The following ACOT13 variants were observed in gnomAD, a reference collection of about 807,000 sequenced individuals.
ACOT13 encodes the protein acyl-CoA thioesterase 13.
Under a neutral mutation model 11.8 loss-of-function variants are expected in ACOT13, and 10 were observed. The ratio of observed to expected loss-of-function variants is 0.85; its 90% CI spans 0.53 to 1.44. The LOEUF is 1.44. Ranked by LOEUF, ACOT13 falls within the 40% of genes most tolerant of loss-of-function variation. The probability of loss-of-function intolerance (pLI) is 0.00; values close to 1 mark genes in which losing one functional copy is unlikely to be tolerated. For missense variants in ACOT13, 172 were observed against 174.1 expected (o/e 0.99, Z 0.07); for synonymous variants, 53 against 61.0 (o/e 0.87, Z 0.61).
intron 1 of ACOT13, among the ~76,000 whole-genome samples, chr6:24,667,820 C>G (rs1778286035): frequency 6.6e-6 from 1 of 152,214 alleles, no homozygotes; most frequent in African/African-American, 2.4e-5. Context: ...TCAAAGGCAC[C>G]CAACTCCTGA....
At chr6:24,685,186 G>A (rs1407935406) in intron 1 of ACOT13, among the ~76,000 whole-genome samples, 1 of 152,062 alleles carries the variant, frequency 6.6e-6, no homozygotes, top group Non-Finnish European at 1.5e-5. Flanking sequence ...ACCATTGTAG[G>A]TACTTTGTAT....
chr6:24,671,064 A>G (rs987039295), intron 1 of ACOT13, among the ~76,000 whole-genome samples: 5 of 152,148 alleles, frequency 3.3e-5, no homozygotes, highest in Admixed American at 2.0e-4. Flanking sequence ...TGATTCCTCA[A>G]GGATCTAGAA....
At chr6:24,669,965 AAG>A (rs1778332272) in intron 1 of ACOT13, among the ~76,000 whole-genome samples, 1 of 152,226 alleles carries the variant, frequency 6.6e-6, no homozygotes, top group Non-Finnish European at 1.5e-5. Flanking sequence ...AGGAAAAGAA[AAG>A]AAAAAAATTA....
chr6:24,692,448 ACT>A (rs746872408), intron 1 of ACOT13, among the ~76,000 whole-genome samples: 1 of 152,142 alleles, frequency 6.6e-6, no homozygotes, highest in Non-Finnish European at 1.5e-5. Context: ...ACAGGGTCTC[ACT>A]CTGTCAGCCA....
At chr6:24,669,016 G>C (rs993045104) in intron 1 of ACOT13, among the ~76,000 whole-genome samples, 8 of 152,318 alleles carry the variant, frequency 5.3e-5, no homozygotes, top group South Asian at 2.1e-4. Context: ...TAGGTTCCCT[G>C]CCTCCAGATC....
Position 24,676,845 on chromosome 6 carries a change from A to G in ACOT13, c.81+9501A>G, listed in dbSNP as rs566021329. Among the ~76,000 whole-genome samples the G allele has an allele frequency of 1.5e-3, 226 of 152,320 alleles. 2 individuals are homozygous for G. Among genetic ancestry groups the G allele is most frequent in the South Asian group, 8.1e-3 (39 of 4,824 alleles). On this transcript the variant is annotated intron_variant, in intron 1 of 2. Transcript: ENST00000230048. Reference sequence around the variant, plus strand: ...CTCTTTAGGTTTCTGTACAGCCAATAGTAATCTCCTAATGGCTTCCTGATG... The same window carrying G: ...CTCTTTAGGTTTCTGTACAGCCAATGGTAATCTCCTAATGGCTTCCTGATG...
Position 24,667,248 on chromosome 6 carries a change from T to C in ACOT13, c.-16T>C. On this transcript the variant is annotated 5_prime_UTR_variant, in exon 1 of 3. Transcript: ENST00000230048. ...TCGTTCTTGCGCAAAGCCCAAAGGCTGGAAAACCGTCCACGATGACCAGCA... is the reference window on the plus strand; with the variant it reads ...TCGTTCTTGCGCAAAGCCCAAAGGCCGGAAAACCGTCCACGATGACCAGCA... The C allele has an allele frequency of 1.2e-6, 2 of 1,613,676 alleles. No individual in the cohort carries two copies. Among genetic ancestry groups the C allele is most frequent in the Non-Finnish European group, 1.7e-6 (2 of 1,179,810 alleles).
chr6:24,694,899 T>C (rs1361188707), intron 1 of ACOT13, among the ~76,000 whole-genome samples: 3 of 152,216 alleles, frequency 2.0e-5, no homozygotes, highest in Non-Finnish European at 2.9e-5. Flanking sequence ...TCAAAACCAG[T>C]ATTCTGTACT....
At chr6:24,695,364 T>C (rs535157331) in intron 1 of ACOT13, among the ~76,000 whole-genome samples, 2 of 152,118 alleles carry the variant, frequency 1.3e-5, no homozygotes, top group Non-Finnish European at 2.9e-5. Context: ...TACAAGCCGC[T>C]CGTATTTAGT....
At position 24,673,647 on chromosome 6, in the gene ACOT13, C is replaced by T. The variant is rs139598883; in HGVS notation, c.81+6303C>T. Among the ~76,000 whole-genome samples, 328 of 152,268 alleles carry T rather than the reference C, an allele frequency of 2.2e-3. 2 individuals are homozygous for T. Among genetic ancestry groups the T allele is most frequent in the Middle Eastern group, 6.8e-3 (2 of 294 alleles). On this transcript the variant is annotated intron_variant, in intron 1 of 2. Transcript: ENST00000230048. Reference sequence around the variant, plus strand: ...AAGTGCTGGGATTACAGGCAGAAGCCACCATTCGTAGGCAAATTCTCTTAT... The same window carrying T: ...AAGTGCTGGGATTACAGGCAGAAGCTACCATTCGTAGGCAAATTCTCTTAT...
Position 24,691,919 on chromosome 6 carries a change from C to T in ACOT13, c.82-5964C>T, listed in dbSNP as rs1489979810. ...GTCAAGGATCATGCTGAAGGCATAT[C>T]ACTTTTGCACTGTTGTTTTCTGTCA... On this transcript the variant is annotated intron_variant, in intron 1 of 2. Transcript: ENST00000230048. Among the ~76,000 whole-genome samples the T allele has an allele frequency of 2.6e-5, 4 of 152,184 alleles. No individual in the cohort carries two copies. In the South Asian group the frequency reaches 6.2e-4, roughly 24 times the overall value.
At position 24,701,692 on chromosome 6, in the gene ACOT13, G is replaced by T. The variant is rs906156355; in HGVS notation, c.*77G>T. 15 of 1,406,690 alleles carry T rather than the reference G, an allele frequency of 1.1e-5. No individual in the cohort carries two copies. Among genetic ancestry groups the T allele is most frequent in the African/African-American group, 1.5e-5 (1 of 68,906 alleles). 87.1% of individuals were successfully genotyped at this position (1,406,690 alleles called of 1,614,324 possible). A position where few individuals can be genotyped will look rare whatever the true frequency, so the allele number is the denominator to read the frequency against. ...TTTGACTCAAACAATTGTAATTTTT[G>T]AAATAAACTAGCAAAACCAGAAGCA... On this transcript the variant is annotated 3_prime_UTR_variant, in exon 3 of 3. Transcript: ENST00000230048.
At chr6:24,682,760 A>G (rs907274755) in intron 1 of ACOT13, among the ~76,000 whole-genome samples, 11 of 152,098 alleles carry the variant, frequency 7.2e-5, no homozygotes, top group African/African-American at 2.4e-4. Flanking sequence ...CATAACAAAC[A>G]TGGACCAGAA....
chr6:24,690,754 T>C (rs1400285792), intron 1 of ACOT13, among the ~76,000 whole-genome samples: 4 of 152,204 alleles, frequency 2.6e-5, no homozygotes, highest in African/African-American at 9.7e-5. Context: ...CTTGTTATTT[T>C]TGGCCTTCTC....
intron 1 of ACOT13, chr6:24,687,506 G>A (rs1778651103): frequency 5.8e-5 from 79 of 1,373,616 alleles, no homozygotes; most frequent in Non-Finnish European, 7.0e-5. Context: ...ATAAGGAAGT[G>A]GAATTCCAAA....
intron 1 of ACOT13, among the ~76,000 whole-genome samples, chr6:24,679,336 G>A (rs368989336): frequency 3.9e-5 from 6 of 151,910 alleles, no homozygotes; most frequent in African/African-American, 9.7e-5. Flanking sequence ...GGCCTAAGGC[G>A]GACTTTTGAA....
At chr6:24,689,520 A>G (rs1397486319) in intron 1 of ACOT13, among the ~76,000 whole-genome samples, 1 of 152,212 alleles carries the variant, frequency 6.6e-6, no homozygotes, top group Non-Finnish European at 1.5e-5. Flanking sequence ...GAAGAGAAAA[A>G]TGAAAGCTGC....
chr6:24,673,713 T>C (rs1397468951), intron 1 of ACOT13, among the ~76,000 whole-genome samples: 1 of 152,206 alleles, frequency 6.6e-6, no homozygotes, highest in East Asian at 1.9e-4. Context: ...AAAAGTTTAT[T>C]TTTCTAACCA....
chr6:24,668,644 T>C (rs763505652), intron 1 of ACOT13, among the ~76,000 whole-genome samples: 89 of 152,190 alleles, frequency 5.8e-4, no homozygotes, highest in Admixed American at 2.0e-3. Context: ...CTCATGTAAA[T>C]GAAGTGGTGA....
Sources: allele counts gnomAD v4.1 joint callset (sites outside exome capture counted in the v4.1 genomes callset), GRCh38; gene constraint gnomAD v4.1.1; transcripts MANE v1.5; gene names NCBI Gene and HGNC (gene_info 2026-07-23, HGNC 2026-07-21).